The following CCDC7 variants were observed in gnomAD, a reference collection of about 807,000 sequenced individuals.
CCDC7 encodes coiled-coil domain-containing protein 7.
Under a neutral mutation model 196.9 loss-of-function variants are expected in CCDC7, and 183 were observed. That is an observed-to-expected ratio of 0.93 (90% confidence interval 0.82 to 1.05). The LOEUF (loss-of-function observed/expected upper bound fraction) is 1.05. Ranked by LOEUF, CCDC7 falls within the 50% of genes least tolerant of loss-of-function variation. The pLI, the probability that CCDC7 is intolerant of heterozygous loss-of-function variation, is 0.00. For synonymous variants in CCDC7, 525 were observed against 484.6 expected (o/e 1.08, Z -1.10); for missense variants, 1,540 against 1,482.2 (o/e 1.04, Z -0.64).
At chr10:32,668,421 TGA>T (rs1420828607) in intron 21 of CCDC7, among the ~76,000 whole-genome samples, 1 of 152,142 alleles carries the variant, frequency 6.6e-6, no homozygotes, top group Non-Finnish European at 1.5e-5. Flanking sequence ...ATAGGAGTGG[TGA>T]GAGAGGGCAT....
At chr10:32,534,280 A>G (rs984683105) in intron 11 of CCDC7, among the ~76,000 whole-genome samples, 3 of 152,028 alleles carry the variant, frequency 2.0e-5, no homozygotes, top group Admixed American at 2.0e-4. Flanking sequence ...TTGTTGTTAA[A>G]TTTATCTGGT....
intron 21 of CCDC7, among the ~76,000 whole-genome samples, chr10:32,678,750 C>T (rs1354241690): frequency 6.6e-6 from 1 of 152,166 alleles, no homozygotes; most frequent in East Asian, 1.9e-4. Flanking sequence ...TCTCTTGGCA[C>T]TGTGCTGTGA....
At chr10:32,473,807 T>C (rs1341565949) in intron 7 of CCDC7, among the ~76,000 whole-genome samples, 160 bp from the exon 9 acceptor site, 2 of 152,230 alleles carry the variant, frequency 1.3e-5, no homozygotes, top group African/African-American at 4.8e-5. Flanking sequence ...TTACCATTTC[T>C]TACCTGATTA....
intron 18 of CCDC7, among the ~76,000 whole-genome samples, chr10:32,604,033 TC>T (rs1258634991): frequency 2.0e-5 from 3 of 152,190 alleles, no homozygotes; most frequent in African/African-American, 7.2e-5. Flanking sequence ...TAGACCAATG[TC>T]CTAGAGCATT....
chr10:32,565,024 T>C (rs750684122), intron 13 of CCDC7, among the ~76,000 whole-genome samples: 9 of 152,158 alleles, frequency 5.9e-5, no homozygotes, highest in Admixed American at 1.3e-4. Flanking sequence ...CTCTTGATTG[T>C]TCTCCTATTG....
intron 28 of CCDC7, among the ~76,000 whole-genome samples, chr10:32,755,374 G>A (rs1362013991): frequency 6.6e-6 from 1 of 152,138 alleles, no homozygotes; most frequent in Non-Finnish European, 1.5e-5. Context: ...CCCAGTAGGG[G>A]CCGACTGACA....
At chr10:32,468,792 A>G (rs921003791) in intron 5 of CCDC7, among the ~76,000 whole-genome samples, 1 of 152,250 alleles carries the variant, frequency 6.6e-6, no homozygotes. Context: ...GAAACAAGGG[A>G]TTCTTATGCA....
chr10:32,514,082 A>T lies in CCDC7; in HGVS notation c.873-3863A>T, dbSNP rs887273105. On this transcript the variant is annotated intron_variant, in intron 9 of 41. Transcript: ENST00000639629. Reference sequence around the variant, plus strand: ...ATGACATGATTTTAGATATAAAAACATCCTGAGTTCTGCTAAAACCTATTG... The same window carrying T: ...ATGACATGATTTTAGATATAAAAACTTCCTGAGTTCTGCTAAAACCTATTG... 4.6e-5 allele frequency: 7 copies of T among 152,396 alleles called. No homozygotes were observed. The Middle Eastern group carries it at 0.014, about 296-fold the overall frequency. The allele number at this position is 152,396 out of a possible 1,614,324, so 9.4% of individuals were successfully genotyped here. A position where few individuals can be genotyped will look rare whatever the true frequency, so the allele number is the denominator to read the frequency against.
chr10:32,823,569 C>T (rs1255351268), intron 31 of CCDC7, among the ~76,000 whole-genome samples: 9 of 152,122 alleles, frequency 5.9e-5, no homozygotes, highest in Non-Finnish European at 8.8e-5. Context: ...GCCAATTTTC[C>T]AAAGCAAGAC....
chr10:32,493,891 T>C (rs952121653), intron 9 of CCDC7, among the ~76,000 whole-genome samples: 2 of 152,180 alleles, frequency 1.3e-5, no homozygotes. Context: ...ATGGTGTTAT[T>C]TGTTTTCTTG....
At chr10:32,689,996 A>G (rs1206619006) in intron 23 of CCDC7, among the ~76,000 whole-genome samples, 3 of 152,140 alleles carry the variant, frequency 2.0e-5, no homozygotes, top group African/African-American at 7.2e-5. Context: ...CGGCCTCCCA[A>G]AGTGCTGGCA....
At chr10:32,643,553 TG>T (rs772965146) in intron 20 of CCDC7, among the ~76,000 whole-genome samples, 3 of 152,094 alleles carry the variant, frequency 2.0e-5, no homozygotes, top group Non-Finnish European at 4.4e-5. Context: ...AGCTGCTTTT[TG>T]TTTCTTCTAC....
At chr10:32,719,446 A>G (rs2082080875) in intron 25 of CCDC7, among the ~76,000 whole-genome samples, 1 of 152,210 alleles carries the variant, frequency 6.6e-6, no homozygotes, top group African/African-American at 2.4e-5. Context: ...AGGCAATACC[A>G]TTCAGGACAT....
chr10:32,780,489 C>T (rs2080871580), intron 29 of CCDC7, among the ~76,000 whole-genome samples: 1 of 151,998 alleles, frequency 6.6e-6, no homozygotes, highest in African/African-American at 2.4e-5. Flanking sequence ...ATGTTAATGA[C>T]AGGGATAAGT....
intron 11 of CCDC7, among the ~76,000 whole-genome samples, chr10:32,519,023 A>G (rs1245330975): frequency 1.3e-5 from 2 of 152,172 alleles, no homozygotes; most frequent in African/African-American, 4.8e-5. Context: ...AAATTAAGAT[A>G]TATGATTGAG....
intron 18 of CCDC7, among the ~76,000 whole-genome samples, chr10:32,590,687 C>A (rs1301919654): frequency 2.0e-5 from 3 of 152,148 alleles, no homozygotes; most frequent in African/African-American, 4.8e-5. Flanking sequence ...TAAAATCCCT[C>A]AGCTTTTGTT....
At chr10:32,507,194 T>C (rs779482448) in intron 9 of CCDC7, among the ~76,000 whole-genome samples, 3 of 152,082 alleles carry the variant, frequency 2.0e-5, no homozygotes, top group Non-Finnish European at 4.4e-5. Flanking sequence ...GGTTTCACCA[T>C]GTTGGCCAAG....
intron 13 of CCDC7, among the ~76,000 whole-genome samples, chr10:32,550,868 T>G (rs942879157): frequency 6.6e-6 from 1 of 152,136 alleles, no homozygotes; most frequent in Non-Finnish European, 1.5e-5. Flanking sequence ...TCTTTTTTAG[T>G]TATGTCTTTA....
At chr10:32,716,678 C>A (rs1325410712) in intron 25 of CCDC7, among the ~76,000 whole-genome samples, 1 of 152,006 alleles carries the variant, frequency 6.6e-6, no homozygotes, top group African/African-American at 2.4e-5. Context: ...ACACACATAG[C>A]CTCAAAATAA....
Sources: gnomAD v4.1 joint callset for allele counts (sites outside exome capture counted in the v4.1 genomes callset) on GRCh38, gnomAD v4.1.1 for gene constraint, MANE v1.5 for transcripts, NCBI Gene and HGNC (gene_info 2026-07-23, HGNC 2026-07-21) for gene names.